RNF13: variants seen among roughly 807,000 people sequenced by gnomAD.
RNF13 encodes ring finger protein 13.
A neutral mutation model predicts 37.7 loss-of-function variants in RNF13; 19 were observed. The ratio of observed to expected loss-of-function variants is 0.50; its 90% CI spans 0.35 to 0.74. RNF13 has a LOEUF of 0.74. RNF13 is among the 30% of genes least tolerant of loss of function. The pLI is 0.01. For missense variants in RNF13, 375 were observed against 453.0 expected, an observed-to-expected ratio of 0.83 and a Z score of 1.56; for synonymous variants, 144 against 157.8, an observed-to-expected ratio of 0.91 and a Z score of 0.65.
At position 149,895,444 on chromosome 3, in the gene RNF13, AAT is replaced by A. The variant is rs1351495408; in HGVS notation, c.322-28_322-27del. 6.0e-5 allele frequency: 62 copies of A among 1,037,580 alleles called. 1 individual carries two copies. The Middle Eastern group carries it at 1.2e-3, about 19-fold the overall frequency. The allele number at this position is 1,037,580 out of a possible 1,614,324, so 64.3% of individuals were successfully genotyped here. A position where few individuals can be genotyped will look rare whatever the true frequency, so the allele number is the denominator to read the frequency against. ...CAAACCACTGTCTTCCTTATAACAT[AAT>A]TTTTTTTTTTTTTTTTTGCTTTGCA... On this transcript the variant is annotated intron_variant, in intron 4 of 9. Coordinates refer to ENST00000392894, the MANE Select transcript of RNF13 (RefSeq NM_183381.3).
intron 3 of RNF13, among the ~76,000 whole-genome samples, chr3:149,860,271 A>AAAATAAAAAAAAAAG (rs1559912358): frequency 1.2e-5 from 1 of 82,004 alleles, no homozygotes; most frequent in Non-Finnish European, 2.2e-5. Flanking sequence ...AAAAAAAAAA[A>AAAATAAAAAAAAAAG]TATATATATA....
At chr3:149,941,770 A>C (rs1243763123) in intron 8 of RNF13, among the ~76,000 whole-genome samples, 1 of 151,764 alleles carries the variant, frequency 6.6e-6, no homozygotes, top group Non-Finnish European at 1.5e-5. Context: ...CAAATCCAAT[A>C]TCCTGAAGTT....
At chr3:149,847,249 T>A (rs898958105) in intron 2 of RNF13, among the ~76,000 whole-genome samples, 26 of 152,226 alleles carry the variant, frequency 1.7e-4, no homozygotes, top group African/African-American at 6.3e-4. Context: ...AAGTTGAGGA[T>A]ATATATTTTC....
intron 3 of RNF13, among the ~76,000 whole-genome samples, chr3:149,862,850 G>C (rs1312286199): frequency 6.6e-6 from 1 of 152,076 alleles, no homozygotes; most frequent in Non-Finnish European, 1.5e-5. Context: ...TATACTGCTG[G>C]TATAAAAGAA....
intron 4 of RNF13, among the ~76,000 whole-genome samples, chr3:149,875,402 G>A (rs145548237): frequency 0.012 from 1,834 of 152,126 alleles, 31 homozygotes; most frequent in African/African-American, 0.041. Flanking sequence ...TTTTAGTTTT[G>A]TTTTAAACAG....
intron 1 of RNF13, among the ~76,000 whole-genome samples, chr3:149,823,935 A>C (rs1056497437): frequency 1.3e-5 from 2 of 152,184 alleles, no homozygotes; most frequent in African/African-American, 4.8e-5. Flanking sequence ...ATATTCCTAT[A>C]AACAACAATA....
intron 6 of RNF13, 30 bp downstream of exon 6, chr3:149,902,192 C>T: frequency 9.7e-7 from 1 of 1,032,286 alleles, no homozygotes; most frequent in South Asian, 1.5e-5. Context: ...AATCATGTTG[C>T]TTAAAATTCT....
intron 1 of RNF13, among the ~76,000 whole-genome samples, chr3:149,829,149 T>G (rs1332572981): frequency 1.3e-5 from 2 of 152,198 alleles, no homozygotes; most frequent in Non-Finnish European, 2.9e-5. Context: ...CCACCCAGGC[T>G]GGTGTGCAGT....
chr3:149,946,526 T>C (rs75180000), intron 8 of RNF13, among the ~76,000 whole-genome samples: 2 of 152,326 alleles, frequency 1.3e-5, no homozygotes, highest in East Asian at 1.9e-4. Flanking sequence ...AGATTTCTTA[T>C]TTCTTCATGA....
chr3:149,925,352 T>C (rs1210809778), intron 8 of RNF13, among the ~76,000 whole-genome samples: 2 of 152,192 alleles, frequency 1.3e-5, no homozygotes, highest in Non-Finnish European at 1.5e-5. Flanking sequence ...GGAGCTGTTA[T>C]GTTCCCTTCT....
rs1722387429 is a variant in RNF13 at position 149,961,259 on chromosome 3, A to G, written c.*155A>G. On this transcript the variant is annotated 3_prime_UTR_variant, in exon 10 of 10. Coordinates refer to ENST00000392894, the MANE Select transcript of RNF13 (RefSeq NM_183381.3). ...ACTGAAACAGGACTTTTGATCTGGTATTTATCTGCCAAGAATATACTTCAT... is the reference window on the plus strand; with the variant it reads ...ACTGAAACAGGACTTTTGATCTGGTGTTTATCTGCCAAGAATATACTTCAT... 1.4e-6 allele frequency: 1 copy of G among 699,274 alleles called. No individual in the cohort carries two copies. 43.3% of individuals were successfully genotyped at this position (699,274 alleles called of 1,614,324 possible). A position where few individuals can be genotyped will look rare whatever the true frequency, so the allele number is the denominator to read the frequency against.
At chr3:149,862,117 C>G (rs1295381539) in intron 3 of RNF13, among the ~76,000 whole-genome samples, 5 of 151,992 alleles carry the variant, frequency 3.3e-5, no homozygotes, top group African/African-American at 1.2e-4. Context: ...TCATGGATAT[C>G]TTCCCATATA....
intron 1 of RNF13, among the ~76,000 whole-genome samples, chr3:149,834,354 C>G (rs2108346651): frequency 1.3e-5 from 2 of 152,212 alleles, no homozygotes; most frequent in East Asian, 3.9e-4. Context: ...TACAAAATTC[C>G]AGTAATTAAA....
intron 8 of RNF13, among the ~76,000 whole-genome samples, chr3:149,958,679 A>G (rs992994936): frequency 6.6e-6 from 1 of 152,220 alleles, no homozygotes; most frequent in Admixed American, 6.5e-5. Flanking sequence ...TTGCATAACT[A>G]TCTGTCCTCA....
At chr3:149,846,679 C>T (rs189937135) in intron 2 of RNF13, among the ~76,000 whole-genome samples, 2 of 152,282 alleles carry the variant, frequency 1.3e-5, no homozygotes, top group East Asian at 3.9e-4. Context: ...AATAATGTTG[C>T]TCATGAGGGT....
At chr3:149,833,813 A>G (rs1271042383) in intron 1 of RNF13, among the ~76,000 whole-genome samples, 1 of 152,258 alleles carries the variant, frequency 6.6e-6, no homozygotes, top group African/African-American at 2.4e-5. Context: ...GAAAGGAATA[A>G]GTAAGATTAC....
At chr3:149,959,863 TTTTA>T in intron 8 of RNF13, 189 bp from the exon 9 acceptor site, 1 of 426,418 alleles carries the variant, frequency 2.3e-6, no homozygotes, top group Non-Finnish European at 4.2e-6. Context: ...TGTCATCAAT[TTTTA>T]ACTAGTTTAG....
chr3:149,897,169 C>T (rs778467157), intron 5 of RNF13, among the ~76,000 whole-genome samples: 17 of 152,118 alleles, frequency 1.1e-4, no homozygotes, highest in Non-Finnish European at 1.8e-4. Context: ...GGAAAGCATG[C>T]GTAGTCTGGA....
At chr3:149,953,281 G>A (rs534045193) in intron 8 of RNF13, among the ~76,000 whole-genome samples, 27 of 152,204 alleles carry the variant, frequency 1.8e-4, no homozygotes, top group African/African-American at 6.5e-4. Flanking sequence ...TCCCAGAGTT[G>A]CTAATGCAAT....
Sources: gnomAD v4.1 joint callset for allele counts (sites outside exome capture counted in the v4.1 genomes callset) on GRCh38, gnomAD v4.1.1 for gene constraint, MANE v1.5 for transcripts, NCBI Gene and HGNC (gene_info 2026-07-23, HGNC 2026-07-21) for gene names.